The following CHSY1 variants were observed in gnomAD, a reference collection of about 807,000 sequenced individuals.
The protein encoded by CHSY1 is chondroitin sulfate synthase 1, also known as N-acetylgalactosaminyl-proteoglycan 3-beta-glucuronosyltransferase 1.
In CHSY1, 13 loss-of-function variants were observed where a neutral mutation model predicts 59.8. The ratio of observed to expected loss-of-function variants is 0.22; its 90% CI spans 0.14 to 0.35. The LOEUF (loss-of-function observed/expected upper bound fraction) is 0.35. CHSY1 is among the 10% of genes least tolerant of loss of function. The pLI is 1.00. For synonymous variants in CHSY1, 459 were observed against 401.2 expected (o/e 1.14, Z -1.72); for missense variants, 947 against 1,030.6 (o/e 0.92, Z 1.11).
chr15:101,227,319 T>A (rs573771249), intron 2 of CHSY1, among the ~76,000 whole-genome samples: 5 of 152,232 alleles, frequency 3.3e-5, no homozygotes, highest in Admixed American at 2.6e-4. Context: ...CTGGAAGACC[T>A]TGCAATGTTG....
chr15:101,200,479 T>C (rs1327293362), intron 2 of CHSY1, among the ~76,000 whole-genome samples: 1 of 152,176 alleles, frequency 6.6e-6, no homozygotes, highest in Non-Finnish European at 1.5e-5. Context: ...AAGTCTTTTC[T>C]GGGGTTACAA....
At chr15:101,200,226 G>T (rs1379952472) in intron 2 of CHSY1, among the ~76,000 whole-genome samples, 2 of 151,436 alleles carry the variant, frequency 1.3e-5, no homozygotes, top group Non-Finnish European at 2.9e-5. Context: ...TAACTTTTTT[G>T]ATTTTCATTT....
chr15:101,251,036 G>A (rs1421693566), intron 1 of CHSY1, 101 bp downstream of exon 1: 3 of 1,137,198 alleles, frequency 2.6e-6, no homozygotes, highest in African/African-American at 1.6e-5. Context: ...GCCCAAGAAG[G>A]GCCTAGGAAG....
chr15:101,226,552 G>A (rs1434892227), intron 2 of CHSY1, among the ~76,000 whole-genome samples: 3 of 152,074 alleles, frequency 2.0e-5, no homozygotes, highest in Non-Finnish European at 4.4e-5. Flanking sequence ...CCTCAACTCT[G>A]ATGCCATCTG....
intron 1 of CHSY1, among the ~76,000 whole-genome samples, chr15:101,240,579 T>G (rs146197715): frequency 1.3e-5 from 2 of 152,252 alleles, no homozygotes; most frequent in African/African-American, 4.8e-5. Context: ...GAATCCTCCA[T>G]CACTCTAGGT....
intron 1 of CHSY1, among the ~76,000 whole-genome samples, chr15:101,239,385 C>G (rs1450022900): frequency 2.0e-5 from 3 of 152,206 alleles, no homozygotes; most frequent in African/African-American, 7.2e-5. Flanking sequence ...CTTCAAAGAA[C>G]AACCAACTAA....
chr15:101,211,059 C>G (rs1175122087), intron 2 of CHSY1, among the ~76,000 whole-genome samples: 1 of 152,210 alleles, frequency 6.6e-6, no homozygotes, highest in East Asian at 1.9e-4. Flanking sequence ...CACAGTGGCT[C>G]AGGCCTGTAA....
intron 2 of CHSY1, among the ~76,000 whole-genome samples, chr15:101,234,591 G>A (rs1029486798): frequency 6.6e-5 from 10 of 152,148 alleles, no homozygotes; most frequent in Middle Eastern, 3.2e-3. Context: ...TGGAAGAGCC[G>A]GGCGCCGTGG....
At chr15:101,198,428 C>T (rs538248992) in intron 2 of CHSY1, among the ~76,000 whole-genome samples, 106 of 152,240 alleles carry the variant, frequency 7.0e-4, no homozygotes, top group African/African-American at 2.2e-3. Flanking sequence ...TTGGCCCTCT[C>T]GTAAGTCTTA....
In CHSY1 at chr15:101,178,509, T is replaced by G; in HGVS notation, c.1288A>C (p.Lys430Gln). 1.9e-6 allele frequency: 3 copies of G among 1,614,234 alleles called. No homozygotes were observed. Among genetic ancestry groups the G allele is most frequent in the Non-Finnish European group, 1.7e-6 (2 of 1,180,044 alleles). The change falls in exon 3 of 3, where the codon AAA becomes CAA. Residue 430 changes from lysine to glutamine, a missense_variant. This residue lies in a region of CHSY1 where 602 missense variants were observed against 676.9 expected (regional missense o/e 0.89). Coordinates refer to ENST00000254190, the MANE Select transcript of CHSY1 (RefSeq NM_014918.5). The part of the protein sequence containing the change: ...AKTRGRIIDF[K>Q]EIQYGYRRVN... ...CGGCGGTAGCCGTACTGGATCTCTT[T>G]GAAGTCAATGATGCGCCCTCTGGTC...
At position 101,176,109 on chromosome 15, in the gene CHSY1, G is replaced by T. The variant is rs1443470517; in HGVS notation, c.*1279C>A. The T allele has an allele frequency of 2.5e-6, 1 of 397,124 alleles. No individual in the cohort carries two copies. Among genetic ancestry groups the T allele is most frequent in the African/African-American group, 2.1e-5 (1 of 48,578 alleles). The allele number at this position is 397,124 out of a possible 1,614,324, so 24.6% of individuals were successfully genotyped here. On this transcript the variant is annotated 3_prime_UTR_variant, in exon 3 of 3. Coordinates refer to ENST00000254190, the MANE Select transcript of CHSY1 (RefSeq NM_014918.5). ...AGGAGGGGAAAAAGCGTTTCCAAAA[G>T]GAAATCTTTGGAGATCGGTTTACTG...
chr15:101,178,127 G>A lies in CHSY1; in HGVS notation c.1670C>T (p.Thr557Met), dbSNP rs374869761. 22 of 1,614,040 alleles carry A rather than the reference G, an allele frequency of 1.4e-5. No homozygotes were observed. Among genetic ancestry groups the A allele is most frequent in the Non-Finnish European group, 1.1e-5 (13 of 1,180,004 alleles). The change falls in exon 3 of 3, where the codon ACG becomes ATG. Residue 557 changes from threonine to methionine, a missense_variant. Physicochemically the swap from Thr to Met is moderately conservative, Grantham distance 81. This residue lies in a region of CHSY1 where 602 missense variants were observed against 676.9 expected (regional missense o/e 0.89). Coordinates refer to ENST00000254190, the MANE Select transcript of CHSY1 (RefSeq NM_014918.5). ...GACGTTCTGATTGGGGATAAGACAC[G>A]TCTTCTCAAAGTTTCCCATAAATCT... is the stretch of plus-strand genomic sequence containing the variant. ...FVRFMGNFEK[T>M]CLIPNQNVKL...
intron 2 of CHSY1, among the ~76,000 whole-genome samples, chr15:101,216,173 C>A (rs1205157003): frequency 2.1e-5 from 3 of 140,842 alleles, no homozygotes; most frequent in Non-Finnish European, 1.5e-5. Flanking sequence ...TTAAAAACCT[C>A]TTCCTAAAAC....
intron 2 of CHSY1, among the ~76,000 whole-genome samples, chr15:101,179,520 C>T (rs533243461): frequency 8.5e-5 from 13 of 152,274 alleles, no homozygotes; most frequent in Admixed American, 2.0e-4. Context: ...CCTGGCCCTG[C>T]GAGGATGCTG....
In CHSY1 at chr15:101,204,475, C is replaced by T. The variant is rs549489615; in HGVS notation, c.817-25495G>A. Reference sequence around the variant, plus strand: ...TAATAATAATAATAATAATAATGTACACTTATAGAGAAAATGATAAAGCTG... The same window carrying T: ...TAATAATAATAATAATAATAATGTATACTTATAGAGAAAATGATAAAGCTG... On this transcript the variant is annotated intron_variant, in intron 2 of 2. Transcript: ENST00000254190. Among the ~76,000 whole-genome samples, 399 of 141,962 alleles carry T rather than the reference C, an allele frequency of 2.8e-3. 4 individuals are homozygous for T. The highest frequency in any genetic ancestry group is 9.5e-3 in the African/African-American group (374 of 39,296). The allele number at this position is 141,962 out of a possible 152,430, so 93.1% of individuals were successfully genotyped here. A position where few individuals can be genotyped will look rare whatever the true frequency, so the allele number is the denominator to read the frequency against.
intron 2 of CHSY1, among the ~76,000 whole-genome samples, chr15:101,225,291 C>T (rs986221350): frequency 1.3e-5 from 2 of 151,846 alleles, no homozygotes; most frequent in Admixed American, 1.3e-4. Flanking sequence ...TGGTCTTGAA[C>T]TCCTGGGCTC....
chr15:101,244,642 T>A (rs566239445), intron 1 of CHSY1, among the ~76,000 whole-genome samples: 227 of 152,380 alleles, frequency 1.5e-3, no homozygotes, highest in Non-Finnish European at 2.9e-3. Flanking sequence ...CTTTGATGTT[T>A]CCTTTTCTAT....
In CHSY1 at chr15:101,204,885, C is replaced by G. The variant is rs147223506; in HGVS notation, c.817-25905G>C. ...ACACCACAGCATTCCAGCCTGGGCA[C>G]TAGAACGAGACTCCATCCCCCCGCC... is the stretch of plus-strand genomic sequence containing the variant. On this transcript the variant is annotated intron_variant, in intron 2 of 2. Transcript: ENST00000254190. 2.0e-5 allele frequency among the ~76,000 whole-genome samples: 3 copies of G among 152,224 alleles called. No homozygotes were observed. In the East Asian group the frequency reaches 5.8e-4, roughly 29 times the overall value.
chr15:101,206,484 G>A (rs2038628108), intron 2 of CHSY1, among the ~76,000 whole-genome samples: 1 of 147,742 alleles, frequency 6.8e-6, no homozygotes, highest in South Asian at 2.1e-4. Context: ...GCGGTGACGT[G>A]CTAAGTGACA....
Sources: allele counts gnomAD v4.1 joint callset (sites outside exome capture counted in the v4.1 genomes callset), GRCh38; gene constraint gnomAD v4.1.1; regional missense constraint gnomAD v4.1.1; transcripts MANE v1.5; gene names NCBI Gene and HGNC (gene_info 2026-07-23, HGNC 2026-07-21).